Variants in TAOK1 observed in about 807,000 individuals in gnomAD.
TAOK1 encodes the protein serine/threonine-protein kinase TAO1.
TAOK1 carries 21 observed loss-of-function variants against 138.3 expected under a neutral mutation model. That is an observed-to-expected ratio of 0.15 (90% CI 0.11 to 0.22). The LOEUF is 0.22. Among genes scored for constraint, TAOK1 ranks in the 10% least tolerant of loss-of-function variants. The pLI is 1.00. For synonymous variants in TAOK1, 361 were observed against 398.4 expected (o/e 0.91, Z 1.12); for missense variants, 651 against 1,227.7 (o/e 0.53, Z 7.02).
chr17:29,442,389 GTTTT>G (rs531137552), intron 1 of TAOK1, among the ~76,000 whole-genome samples: 127 of 130,540 alleles, frequency 9.7e-4, no homozygotes, highest in African/African-American at 3.3e-3. Flanking sequence ...ATTTTTTTCT[GTTTT>G]TTTTTTTTTT....
At position 29,548,220 on chromosome 17, in the gene TAOK1, T is replaced by C. The variant is rs933199310; in HGVS notation, c.*5198T>C. 2.0e-5 allele frequency: 3 copies of C among 152,244 alleles called. No homozygotes were observed. The highest frequency in any genetic ancestry group is 4.8e-5 in the African/African-American group (2 of 41,558). The allele number at this position is 152,244 out of a possible 1,614,324, so 9.4% of individuals were successfully genotyped here. ...GGTAGTCTTTAGATCATAAGAAATA[T>C]ATAAATTAGTATGCACCTTATCTGC... is the stretch of plus-strand genomic sequence containing the variant. On this transcript the variant is annotated 3_prime_UTR_variant, in exon 20 of 20. Transcript: ENST00000261716.
At chr17:29,417,770 C>A (rs575205940) in intron 1 of TAOK1, among the ~76,000 whole-genome samples, 1 of 152,320 alleles carries the variant, frequency 6.6e-6, no homozygotes, top group East Asian at 1.9e-4. Flanking sequence ...GCCGCCCTTT[C>A]CCCAGACCCT....
chr17:29,511,100 G>T lies in TAOK1; in HGVS notation c.1704+108G>T, dbSNP rs1016176084. On this transcript the variant is annotated intron_variant, in intron 15 of 19. Transcript: ENST00000261716. ...ATAAAATTATCTTTTGTTGTTTATG[G>T]TCACTAAATGGGTATTAGTTTAAAT... The T allele has an allele frequency of 9.9e-6, 10 of 1,011,138 alleles. No homozygotes were observed. The African/African-American group carries it at 1.5e-4, about 15-fold the overall frequency. The allele number at this position is 1,011,138 out of a possible 1,614,324, so 62.6% of individuals were successfully genotyped here.
At chr17:29,407,430 C>T (rs533428943) in intron 1 of TAOK1, among the ~76,000 whole-genome samples, 10 of 152,104 alleles carry the variant, frequency 6.6e-5, no homozygotes, top group East Asian at 1.9e-4. Context: ...AATTGCCTGA[C>T]GGAGATAATC....
At chr17:29,416,856 CA>C (rs1428524961) in intron 1 of TAOK1, among the ~76,000 whole-genome samples, 4 of 152,036 alleles carry the variant, frequency 2.6e-5, no homozygotes, top group Admixed American at 6.6e-5. Context: ...TTTATTTAGT[CA>C]ATATTTGTTA....
At chr17:29,531,190 A>G (rs2032100313) in intron 18 of TAOK1, among the ~76,000 whole-genome samples, 1 of 149,822 alleles carries the variant, frequency 6.7e-6, no homozygotes. Context: ...GATGGTCTCG[A>G]TCTCCTGACC....
intron 1 of TAOK1, among the ~76,000 whole-genome samples, chr17:29,396,990 C>CAAAAA (rs555104841): frequency 4.3e-5 from 3 of 69,548 alleles, no homozygotes; most frequent in African/African-American, 1.4e-4. Flanking sequence ...AACTCTGTCT[C>CAAAAA]AAAAAAAAAA....
chr17:29,467,007 T>C, intron 2 of TAOK1, 138 bp from the exon 3 acceptor site: 1 of 482,418 alleles, frequency 2.1e-6, no homozygotes, highest in Admixed American at 3.5e-5. Flanking sequence ...AGTGTTATTT[T>C]TAAAATTTTC....
At chr17:29,521,249 G>A (rs1261833768) in intron 16 of TAOK1, among the ~76,000 whole-genome samples, 1 of 152,144 alleles carries the variant, frequency 6.6e-6, no homozygotes, top group Non-Finnish European at 1.5e-5. Context: ...GGCAAAAGGA[G>A]CAAGTTTGAC....
At chr17:29,450,287 G>A (rs568049774) in intron 1 of TAOK1, among the ~76,000 whole-genome samples, 1 of 152,204 alleles carries the variant, frequency 6.6e-6, no homozygotes, top group East Asian at 1.9e-4. Flanking sequence ...AGATCTTGCT[G>A]TGTTGTCTGA....
At chr17:29,463,002 T>C (rs745878725) in intron 2 of TAOK1, among the ~76,000 whole-genome samples, 1 of 152,216 alleles carries the variant, frequency 6.6e-6, no homozygotes, top group Non-Finnish European at 1.5e-5. Context: ...TGTTTTATTA[T>C]GTAAACAAAC....
At chr17:29,526,206 C>A (rs1227636200) in intron 17 of TAOK1, among the ~76,000 whole-genome samples, 1 of 151,718 alleles carries the variant, frequency 6.6e-6, no homozygotes, top group Non-Finnish European at 1.5e-5. Flanking sequence ...ACCCGGAAGG[C>A]GGAGGAAGGT....
chr17:29,413,479 C>A (rs1041889051), intron 1 of TAOK1, among the ~76,000 whole-genome samples: 1 of 151,948 alleles, frequency 6.6e-6, no homozygotes, highest in East Asian at 1.9e-4. Flanking sequence ...GTCTGTAGTC[C>A]CAGCTGCTTG....
intron 1 of TAOK1, among the ~76,000 whole-genome samples, chr17:29,394,700 T>C (rs571100386): frequency 5.7e-4 from 87 of 152,366 alleles, no homozygotes; most frequent in Admixed American, 3.9e-3. Context: ...ATTGCACTCA[T>C]ACTAATTTAA....
In TAOK1 at chr17:29,410,626, T is replaced by G. The variant is rs576510177; in HGVS notation, c.-95+19602T>G. ...TGTTAGCTAGGGTTTTTTGTTTTTT[T>G]TTTTTTTGGTTTTTTTTTTTGTTTG... On this transcript the variant is annotated intron_variant, in intron 1 of 19. Coordinates refer to ENST00000261716, the MANE Select transcript of TAOK1 (RefSeq NM_020791.4). Among the ~76,000 whole-genome samples, 51 of 150,310 alleles carry G rather than the reference T, an allele frequency of 3.4e-4. 1 individual carries two copies. The highest frequency in any genetic ancestry group is 3.0e-3 in the Admixed American group (45 of 15,080).
intron 11 of TAOK1, among the ~76,000 whole-genome samples, chr17:29,497,462 T>C (rs1239287835): frequency 6.6e-6 from 1 of 152,152 alleles, no homozygotes; most frequent in Non-Finnish European, 1.5e-5. Flanking sequence ...GTAAGAAAAG[T>C]CCCTATCTAT....
At chr17:29,540,441 T>C (rs139307349) in intron 19 of TAOK1, among the ~76,000 whole-genome samples, 5,633 of 152,256 alleles carry the variant, frequency 0.037, 364 homozygotes, top group African/African-American at 0.13. Flanking sequence ...CTTGGCTCAC[T>C]GCAACCTTCG....
At chr17:29,433,746 C>T (rs920323743) in intron 1 of TAOK1, among the ~76,000 whole-genome samples, 8 of 152,174 alleles carry the variant, frequency 5.3e-5, no homozygotes, top group African/African-American at 1.9e-4. Flanking sequence ...CATGAACCTC[C>T]TGAGGCTCAG....
At chr17:29,409,333 A>T (rs57572285) in intron 1 of TAOK1, among the ~76,000 whole-genome samples, 1,889 of 59,008 alleles carry the variant, frequency 0.032, 39 homozygotes, top group Non-Finnish European at 0.047. Context: ...ATATATATAT[A>T]TTTTTTTTTT....
Sources: allele counts gnomAD v4.1 joint callset (sites outside exome capture counted in the v4.1 genomes callset), GRCh38; gene constraint gnomAD v4.1.1; transcripts MANE v1.5; gene names NCBI Gene and HGNC (gene_info 2026-07-23, HGNC 2026-07-21).